The following MAK variants were observed in gnomAD, a reference collection of about 807,000 sequenced individuals.
MAK encodes the protein serine/threonine-protein kinase MAK.
In MAK, 65 loss-of-function variants were observed where a neutral mutation model predicts 82.6. That is an observed-to-expected ratio of 0.79 (90% CI 0.64 to 0.97). The LOEUF is 0.97. Among genes scored for constraint, MAK ranks in the 50% least tolerant of loss-of-function variants. MAK has a pLI of 0.00. For missense variants in MAK, 703 were observed against 780.2 expected (o/e 0.90, Z 1.18); for synonymous variants, 250 against 274.2 (o/e 0.91, Z 0.87).
chr6:10,797,245 CTG>C (rs1775641739), intron 8 of MAK, among the ~76,000 whole-genome samples: 1 of 152,056 alleles, frequency 6.6e-6, no homozygotes, highest in South Asian at 2.1e-4. Context: ...AAAATGATCA[CTG>C]TTTGAGTTTT....
Position 10,826,004 on chromosome 6 carries a change from A to C in MAK, c.101+4544T>G, listed in dbSNP as rs529353788. ...CAGCCAGTTCCAAAAATTTGATCAC[A>C]TCAACAATTCTGCTGAAAATCCTTC... is the stretch of plus-strand genomic sequence containing the variant. On this transcript the variant is annotated intron_variant, in intron 2 of 14. Transcript: ENST00000354489. Among the ~76,000 whole-genome samples, 8 of 152,218 alleles carry C rather than the reference A, an allele frequency of 5.3e-5. No individual in the cohort carries two copies. The South Asian group carries it at 1.7e-3, about 32-fold the overall frequency.
At chr6:10,788,686 A>T (rs994537567) in intron 10 of MAK, among the ~76,000 whole-genome samples, 2 of 152,170 alleles carry the variant, frequency 1.3e-5, no homozygotes, top group Non-Finnish European at 1.5e-5. Flanking sequence ...CAGTGAGCCG[A>T]GATCACATCA....
chr6:10,788,274 A>C (rs2127538184), intron 10 of MAK, among the ~76,000 whole-genome samples: 1 of 152,104 alleles, frequency 6.6e-6, no homozygotes, highest in African/African-American at 2.4e-5. Context: ...TTATAAGTAT[A>C]AGCCACCATG....
intron 6 of MAK, among the ~76,000 whole-genome samples, chr6:10,806,332 A>C (rs1776446667): frequency 1.1e-4 from 3 of 26,528 alleles, no homozygotes; most frequent in African/African-American, 2.4e-4. Context: ...TGCCTGGCTA[A>C]TTTTTTTTGT....
At chr6:10,765,471 T>TTTTTTTTTTA (rs1561923828) in intron 14 of MAK, among the ~76,000 whole-genome samples, 3 of 115,070 alleles carry the variant, frequency 2.6e-5, no homozygotes, top group African/African-American at 1.0e-4. Context: ...TTTTTTTTTT[T>TTTTTTTTTTA]TTAATGAGGC....
chr6:10,801,376 T>C (rs548504344), intron 8 of MAK, among the ~76,000 whole-genome samples: 12 of 152,352 alleles, frequency 7.9e-5, no homozygotes, highest in Middle Eastern at 3.4e-3. Flanking sequence ...TCTGTAGATA[T>C]GTCAGGTGTA....
At chr6:10,794,881 A>C (rs975760671) in intron 9 of MAK, among the ~76,000 whole-genome samples, 23 of 152,010 alleles carry the variant, frequency 1.5e-4, no homozygotes, top group Admixed American at 1.4e-3. Flanking sequence ...AATCCGAGCT[A>C]CTCAGGAGGC....
At position 10,764,281 on chromosome 6, in the gene MAK, C is replaced by A. The variant is rs950856403; in HGVS notation, c.*171G>T. The A allele has an allele frequency of 3.1e-6, 2 of 637,920 alleles. No individual in the cohort carries two copies. The highest frequency in any genetic ancestry group is 1.8e-5 in the African/African-American group (1 of 54,532). The allele number at this position is 637,920 out of a possible 1,614,324, so 39.5% of individuals were successfully genotyped here. On this transcript the variant is annotated 3_prime_UTR_variant, in exon 15 of 15. Coordinates refer to ENST00000354489, the MANE Select transcript of MAK (RefSeq NM_001242957.3). ...TGTGGGCAATGATGCTAAGAAAATG[C>A]ATTTCTTGGAAATAAGTAAAATAGG...
intron 5 of MAK, among the ~76,000 whole-genome samples, chr6:10,809,319 G>A (rs962494773): frequency 1.3e-5 from 2 of 152,214 alleles, no homozygotes; most frequent in South Asian, 4.1e-4. Context: ...TAGAGGAGGA[G>A]GTTGAGGGCC....
intron 4 of MAK, among the ~76,000 whole-genome samples, chr6:10,817,027 A>G (rs1777548649): frequency 6.6e-6 from 1 of 152,156 alleles, no homozygotes; most frequent in South Asian, 2.1e-4. Flanking sequence ...TGTTATGATG[A>G]TTTCGGCCTG....
At chr6:10,829,573 CACAA>C (rs1322439402) in intron 2 of MAK, among the ~76,000 whole-genome samples, 2 of 152,106 alleles carry the variant, frequency 1.3e-5, no homozygotes, top group Non-Finnish European at 1.5e-5. Flanking sequence ...TCTCAAAAAA[CACAA>C]ACAAAAACGA....
intron 5 of MAK, among the ~76,000 whole-genome samples, chr6:10,811,210 G>T (rs905178575): frequency 2.0e-5 from 3 of 152,204 alleles, no homozygotes; most frequent in African/African-American, 7.2e-5. Context: ...CGTTGGCCAG[G>T]CTGCTCTTGA....
At chr6:10,773,601 A>C (rs2127516595) in intron 12 of MAK, among the ~76,000 whole-genome samples, 1 of 152,332 alleles carries the variant, frequency 6.6e-6, no homozygotes. Context: ...TTGATATTTA[A>C]AATTTTTAAT....
At chr6:10,787,727 G>A (rs1774702114) in intron 10 of MAK, among the ~76,000 whole-genome samples, 1 of 151,646 alleles carries the variant, frequency 6.6e-6, no homozygotes, top group Non-Finnish European at 1.5e-5. Flanking sequence ...CGAGTGTGGT[G>A]GTGGGCACCT....
intron 1 of MAK, among the ~76,000 whole-genome samples, chr6:10,831,533 T>G (rs905079538): frequency 3.3e-5 from 5 of 152,068 alleles, no homozygotes; most frequent in Admixed American, 3.3e-4. Context: ...AGGAGGATTG[T>G]AGAGGCCAGG....
chr6:10,767,232 T>C (rs1233474480), intron 14 of MAK, among the ~76,000 whole-genome samples: 1 of 152,236 alleles, frequency 6.6e-6, no homozygotes, highest in East Asian at 1.9e-4. Context: ...ATGGATTTAA[T>C]TGATGCCACT....
chr6:10,788,749 A>AG (rs945733960), intron 10 of MAK, among the ~76,000 whole-genome samples: 2 of 152,170 alleles, frequency 1.3e-5, no homozygotes, highest in Non-Finnish European at 2.9e-5. Context: ...AAGAAAAAAA[A>AG]GAAAAAAAAT....
chr6:10,780,401 C>G (rs1171472932), intron 11 of MAK: 2 of 158,910 alleles, frequency 1.3e-5, no homozygotes, highest in Non-Finnish European at 2.6e-5. Context: ...CTACTCACTT[C>G]TGTAAGTAAG....
At chr6:10,767,346 A>G (rs1772544048) in intron 14 of MAK, among the ~76,000 whole-genome samples, 1 of 152,180 alleles carries the variant, frequency 6.6e-6, no homozygotes. Context: ...ATGTACACAG[A>G]GTGCTTAAAA....
Sources: allele counts gnomAD v4.1 joint callset (sites outside exome capture counted in the v4.1 genomes callset), GRCh38; gene constraint gnomAD v4.1.1; transcripts MANE v1.5; gene names NCBI Gene and HGNC (gene_info 2026-07-23, HGNC 2026-07-21).